PIGS: variants seen among roughly 807,000 people sequenced by gnomAD.
PIGS encodes GPI-anchor transamidase component PIGS.
A neutral mutation model predicts 58.2 loss-of-function variants in PIGS; 37 were observed. The ratio of observed to expected loss-of-function variants is 0.64; its 90% CI spans 0.49 to 0.84. The LOEUF (loss-of-function observed/expected upper bound fraction) is 0.84, where lower values mean the gene tolerates loss of function less well. PIGS is among the 40% of genes least tolerant of loss of function. The pLI, the probability that PIGS is intolerant of heterozygous loss-of-function variation, is 0.00. For synonymous variants in PIGS, 269 were observed against 289.2 expected (o/e 0.93, Z 0.71); for missense variants, 629 against 710.8 (o/e 0.88, Z 1.31).
In PIGS at chr17:28,558,850, T is replaced by C. The variant is rs138090021; in HGVS notation, c.820-260A>G. Among the ~76,000 whole-genome samples the C allele has an allele frequency of 1.8e-4, 28 of 152,346 alleles. No homozygotes were observed. In the East Asian group the frequency reaches 5.2e-3, roughly 28 times the overall value. ...ACAAAGAGAGAAACAAAGAACAGCA[T>C]AATTCAGTGTCTACAAGATCAAATC... On this transcript the variant is annotated intron_variant, in intron 7 of 11. Transcript: ENST00000308360.
intron 3 of PIGS, among the ~76,000 whole-genome samples, chr17:28,564,430 T>C (rs1182968169): frequency 6.6e-6 from 1 of 151,940 alleles, no homozygotes; most frequent in Non-Finnish European, 1.5e-5. Flanking sequence ...TAGCCAGGTA[T>C]GTGCCAGACA....
intron 6 of PIGS, among the ~76,000 whole-genome samples, chr17:28,560,790 A>T (rs944557465): frequency 1.3e-5 from 2 of 152,056 alleles, no homozygotes; most frequent in African/African-American, 2.4e-5. Context: ...AAAATAAAAT[A>T]AAAATAAAAA....
chr17:28,571,520 A>G lies in PIGS; in HGVS notation c.-24T>C. 1 of 1,594,186 alleles carries G rather than the reference A, an allele frequency of 6.3e-7. No homozygotes were observed. Among genetic ancestry groups the G allele is most frequent in the Non-Finnish European group, 8.5e-7 (1 of 1,170,406 alleles). On this transcript the variant is annotated 5_prime_UTR_variant, in exon 1 of 12. Coordinates refer to ENST00000308360, the MANE Select transcript of PIGS (RefSeq NM_033198.4). ...ATGCTAGCTTCCGGCTGCTCCGGCC[A>G]CCGTGGGGGCAGAGCTTCGTGAGCC...
Position 28,570,949 on chromosome 17 carries a change from C to T in PIGS, c.189G>A (p.Val63=). The change falls in exon 3 of 12, where the codon GTG becomes GTA. Residue 63 remains valine (V), a synonymous_variant. Coordinates refer to ENST00000308360, the MANE Select transcript of PIGS (RefSeq NM_033198.4). ...GLNALQLRLM[V]PVTVVFTRES... is the part of the protein sequence containing the mutation. ...CCCGCGTAAACACGACAGTGACAGG[C>T]ACCATGAGGCGGAGCTACAGGAAGG... 3 of 1,614,248 alleles carry T rather than the reference C, an allele frequency of 1.9e-6. No homozygotes were observed. The highest frequency in any genetic ancestry group is 2.5e-6 in the Non-Finnish European group (3 of 1,180,038).
At chr17:28,558,393 A>G in intron 8 of PIGS, 83 bp downstream of exon 8, 1 of 1,146,604 alleles carries the variant, frequency 8.7e-7, no homozygotes. Flanking sequence ...TCCACCTCCA[A>G]CTCCTGTCCC....
At chr17:28,560,497 G>T in intron 6 of PIGS, 1 of 285,024 alleles carries the variant, frequency 3.5e-6, no homozygotes, top group Non-Finnish European at 6.6e-6. Flanking sequence ...TACAAATATC[G>T]GCCGGGTGTG....
Position 28,558,564 on chromosome 17 carries a change from C to T in PIGS, c.846G>A (p.Val282=), listed in dbSNP as rs747582408. ...AGGAAGCTGAGTCAAAGCGGGGATT[C>T]ACCCCCAACATTGCATAGTAAAGAA... The part of the protein sequence containing the change: ...SQILYYAMLG[V]NPRFDSASSS... Residue 282 remains valine, a synonymous_variant, in exon 8 of 12, where the codon GTG becomes GTA. Transcript: ENST00000308360. 1 of 1,612,144 alleles carries T rather than the reference C, an allele frequency of 6.2e-7. No homozygotes were observed. The highest frequency in any genetic ancestry group is 8.5e-7 in the Non-Finnish European group (1 of 1,179,248).
intron 3 of PIGS, 146 bp downstream of exon 3, chr17:28,570,706 T>C: frequency 1.3e-6 from 1 of 753,752 alleles, no homozygotes; most frequent in South Asian, 1.8e-5. Flanking sequence ...AAAGTAGTTT[T>C]TTTCTGACCA....
rs2070320914 is a variant in PIGS, at chr17:28,555,452, C to T, written c.1182-391G>A. ...TGATCCAGGACTGCCTTTGCCAAGG[C>T]ACATGTGCTGTGCTTCTCTAAGCCT... On this transcript the variant is annotated intron_variant, in intron 10 of 11. Transcript: ENST00000308360. 5 of 219,594 alleles carry T rather than the reference C, an allele frequency of 2.3e-5. No homozygotes were observed. The Admixed American group carries it at 2.6e-4, about 12-fold the overall frequency. 13.6% of individuals were successfully genotyped at this position (219,594 alleles called of 1,614,324 possible). A position where few individuals can be genotyped will look rare whatever the true frequency, so the allele number is the denominator to read the frequency against.
In PIGS at chr17:28,563,926, A is replaced by G. The variant is rs765508365; in HGVS notation, c.287-19T>C. 2 of 1,601,388 alleles carry G rather than the reference A, an allele frequency of 1.2e-6. No homozygotes were observed. The highest frequency in any genetic ancestry group is 2.2e-5 in the South Asian group (2 of 90,822). Reference sequence around the variant, plus strand: ...ATTTTGTCTGGGAGGGATAAGAAGTAGCACAATGAAAAGGGCAAGCATCAT... The same window carrying G: ...ATTTTGTCTGGGAGGGATAAGAAGTGGCACAATGAAAAGGGCAAGCATCAT... On this transcript the variant is annotated intron_variant, in intron 3 of 11. Transcript: ENST00000308360.
chr17:28,555,321 G>A (rs953369113), intron 10 of PIGS: 2 of 468,046 alleles, frequency 4.3e-6, no homozygotes, highest in Admixed American at 8.0e-5. Context: ...TTAAAAAAAG[G>A]TTCCATGGCT....
At chr17:28,557,308 T>C (rs2151511982) in intron 8 of PIGS, 1 of 267,392 alleles carries the variant, frequency 3.7e-6, no homozygotes, top group African/African-American at 2.3e-5. Flanking sequence ...TCTGACCTTA[T>C]GTCAGTTCCC....
At chr17:28,554,821 A>G (rs1280553491) in intron 11 of PIGS, 30 bp downstream of exon 11, 1 of 1,612,282 alleles carries the variant, frequency 6.2e-7, no homozygotes, top group East Asian at 2.2e-5. Context: ...TCCAGTCCCA[A>G]GCTGCAGAAT....
intron 3 of PIGS, among the ~76,000 whole-genome samples, chr17:28,564,296 G>A (rs999426896): frequency 6.6e-6 from 1 of 152,168 alleles, no homozygotes; most frequent in Non-Finnish European, 1.5e-5. Context: ...GGCTGGGCAC[G>A]GTGGCTCATG....
intron 8 of PIGS, chr17:28,557,224 T>C (rs2070336493): frequency 2.1e-6 from 1 of 465,670 alleles, no homozygotes; most frequent in African/African-American, 2.0e-5. Flanking sequence ...GCCCCTTGAC[T>C]GTCTACGACA....
At chr17:28,565,515 T>A (rs964036577) in intron 3 of PIGS, among the ~76,000 whole-genome samples, 5 of 152,224 alleles carry the variant, frequency 3.3e-5, no homozygotes, top group African/African-American at 1.2e-4. Context: ...CTAAAATTTA[T>A]TGAAAAAGTT....
intron 3 of PIGS, among the ~76,000 whole-genome samples, chr17:28,568,301 C>G (rs2070405307): frequency 6.6e-6 from 1 of 152,066 alleles, no homozygotes; most frequent in Non-Finnish European, 1.5e-5. Flanking sequence ...TGGGGTTTCA[C>G]CATGTTAGCC....
At position 28,554,200 on chromosome 17, in the gene PIGS, CTA is replaced by C. The variant is rs765704448; in HGVS notation, c.*18_*19del. 1.6e-5 allele frequency: 25 copies of C among 1,611,428 alleles called. No homozygotes were observed. Among genetic ancestry groups the C allele is most frequent in the Non-Finnish European group, 2.1e-5 (25 of 1,178,458 alleles). On this transcript the variant is annotated 3_prime_UTR_variant, in exon 12 of 12. Coordinates refer to ENST00000308360, the MANE Select transcript of PIGS (RefSeq NM_033198.4). ...CACCTTGGCCAGAAAGGAAGGCTTC[CTA>C]TGGAGGTGCTGCCCTGCTCAGTCTG...
At chr17:28,556,553 A>G in intron 9 of PIGS, 1 of 717,578 alleles carries the variant, frequency 1.4e-6, no homozygotes, top group East Asian at 2.6e-5. Context: ...CCAACCTTGC[A>G]AGACTCCCAC....
Sources: allele counts gnomAD v4.1 joint callset (sites outside exome capture counted in the v4.1 genomes callset), GRCh38; gene constraint gnomAD v4.1.1; transcripts MANE v1.5; gene names NCBI Gene and HGNC (gene_info 2026-07-23, HGNC 2026-07-21).